Variants in PRKN observed in about 807,000 individuals in gnomAD.
The protein encoded by PRKN is parkin RBR E3 ubiquitin protein ligase, also known as E3 ubiquitin-protein ligase parkin.
PRKN carries 56 observed loss-of-function variants against 59.5 expected under a neutral mutation model. That is an observed-to-expected ratio of 0.94 (90% CI 0.76 to 1.18). PRKN has a LOEUF of 1.18. PRKN is among the 50% of genes most tolerant of loss of function. The probability of loss-of-function intolerance (pLI) is 0.00; values close to 1 mark genes in which losing one functional copy is unlikely to be tolerated. For synonymous variants in PRKN, 250 were observed against 222.1 expected, an observed-to-expected ratio of 1.13 and a Z score of -1.12; for missense variants, 657 against 596.4, an observed-to-expected ratio of 1.10 and a Z score of -1.06.
intron 9 of PRKN, among the ~76,000 whole-genome samples, chr6:161,539,738 T>C (rs969668016): frequency 6.6e-6 from 1 of 152,182 alleles, no homozygotes. Flanking sequence ...ACATCATCAC[T>C]TCCTCTACCC....
At position 162,319,503 on chromosome 6, in the gene PRKN, T is replaced by C. The variant is rs117603050; in HGVS notation, c.172-56738A>G. On this transcript the variant is annotated intron_variant, in intron 2 of 11. Coordinates refer to ENST00000366898, the MANE Select transcript of PRKN (RefSeq NM_004562.3). ...TGTTTTAATGCTCTAAGTTCTGATG[T>C]GGTTACTTACACAACAACAAATTAT... is the stretch of plus-strand genomic sequence containing the variant. Among the ~76,000 whole-genome samples, 259 of 152,176 alleles carry C rather than the reference T, an allele frequency of 1.7e-3. 5 individuals are homozygous for C. The East Asian group carries it at 0.024, about 14-fold the overall frequency.
intron 6 of PRKN, among the ~76,000 whole-genome samples, chr6:161,939,756 G>A (rs1779489871): frequency 6.6e-6 from 1 of 151,848 alleles, no homozygotes; most frequent in Non-Finnish European, 1.5e-5. Flanking sequence ...AGAAAAAAAG[G>A]CAGATGTTAA....
At chr6:162,327,000 T>C (rs936402208) in intron 2 of PRKN, among the ~76,000 whole-genome samples, 3 of 152,188 alleles carry the variant, frequency 2.0e-5, no homozygotes, top group African/African-American at 7.2e-5. Flanking sequence ...TTGCATTCTT[T>C]TCAATACTAT....
intron 4 of PRKN, among the ~76,000 whole-genome samples, chr6:162,164,252 A>ACGGT (rs1367387864): frequency 6.7e-6 from 1 of 148,906 alleles, no homozygotes; most frequent in Non-Finnish European, 1.5e-5. Context: ...TTGTTTGGAG[A>ACGGT]CGGTCTTGCT....
chr6:161,504,531 T>TTTTTA (rs773251743), intron 9 of PRKN, among the ~76,000 whole-genome samples: 1,555 of 151,740 alleles, frequency 0.01, 22 homozygotes, highest in African/African-American at 0.028. Context: ...AACTTTCTTT[T>TTTTTA]TTATTATTAT....
In PRKN at chr6:161,363,090, C is replaced by T. The variant is rs188165619; in HGVS notation, c.1168-2885G>A. On this transcript the variant is annotated intron_variant, in intron 10 of 11. Coordinates refer to ENST00000366898, the MANE Select transcript of PRKN (RefSeq NM_004562.3). The surrounding 1 kb of genome is among the most constrained non-coding windows in gnomAD (Gnocchi z 4.1). The stretch of plus-strand genomic sequence containing the variant: ...AACCTCGTCTCTGCTAAAAACACAA[C>T]GATTAGCCAAGCGTGGTGGTGTGCA... Among the ~76,000 whole-genome samples the T allele has an allele frequency of 1.9e-3, 295 of 152,082 alleles. No homozygotes were observed. The highest frequency in any genetic ancestry group is 6.7e-3 in the African/African-American group (277 of 41,488).
intron 6 of PRKN, among the ~76,000 whole-genome samples, chr6:161,788,205 C>T (rs558435795): frequency 4.6e-5 from 7 of 152,316 alleles, no homozygotes; most frequent in Non-Finnish European, 2.9e-5. Flanking sequence ...ACCATCTAGA[C>T]AACACATGGA....
At chr6:161,903,856 G>C (rs1156754395) in intron 6 of PRKN, among the ~76,000 whole-genome samples, 4 of 150,926 alleles carry the variant, frequency 2.7e-5, no homozygotes, top group Non-Finnish European at 5.9e-5. Flanking sequence ...TGCTGGCCTG[G>C]CTTTGCAATG....
chr6:162,296,657 G>A (rs1406622934), intron 2 of PRKN, among the ~76,000 whole-genome samples: 5 of 152,110 alleles, frequency 3.3e-5, no homozygotes, highest in Non-Finnish European at 5.9e-5. Context: ...ACATTAAAAT[G>A]TGCTCAGATT....
intron 4 of PRKN, among the ~76,000 whole-genome samples, chr6:162,159,296 G>T (rs1417998205): frequency 6.6e-6 from 1 of 152,094 alleles, no homozygotes; most frequent in Non-Finnish European, 1.5e-5. Flanking sequence ...TTATAGACCT[G>T]GCCATATTTT....
At chr6:162,141,117 G>T (rs1781761225) in intron 4 of PRKN, among the ~76,000 whole-genome samples, 1 of 151,594 alleles carries the variant, frequency 6.6e-6, no homozygotes, top group African/African-American at 2.4e-5. Flanking sequence ...GCGACAGAGT[G>T]AGACCCTGTC....
intron 6 of PRKN, among the ~76,000 whole-genome samples, chr6:161,887,816 T>A (rs1323335708): frequency 6.6e-6 from 1 of 152,206 alleles, no homozygotes; most frequent in African/African-American, 2.4e-5. Flanking sequence ...TTTGTCCCAT[T>A]AAGGTCGATG....
chr6:162,636,095 C>T (rs903226921), intron 1 of PRKN, among the ~76,000 whole-genome samples: 1 of 152,140 alleles, frequency 6.6e-6, no homozygotes, highest in African/African-American at 2.4e-5. Flanking sequence ...ATTAAATATT[C>T]TGAAGGCACT....
At chr6:162,144,506 G>T (rs1272467746) in intron 4 of PRKN, among the ~76,000 whole-genome samples, 1 of 152,164 alleles carries the variant, frequency 6.6e-6, no homozygotes, top group Non-Finnish European at 1.5e-5. Flanking sequence ...AAGATCAGCT[G>T]GTGTAGGTTT....
intron 1 of PRKN, among the ~76,000 whole-genome samples, chr6:162,482,921 G>A (rs1792371577): frequency 7.5e-6 from 1 of 132,588 alleles, no homozygotes; most frequent in Non-Finnish European, 1.6e-5. Flanking sequence ...CTGAGGGTAT[G>A]CACTGATTCC....
At chr6:161,935,139 G>A (rs1779306487) in intron 6 of PRKN, among the ~76,000 whole-genome samples, 1 of 151,940 alleles carries the variant, frequency 6.6e-6, no homozygotes, top group African/African-American at 2.4e-5. Context: ...AACTTCAAAA[G>A]TTCACAGAAA....
chr6:161,371,010 G>A lies in PRKN; in HGVS notation c.1168-10805C>T, dbSNP rs906340351. ...TGTGAGCAGCCCGCCTCCTGCTGGTGAGTAAGAAAATGGCATCACTTTTCA... is the reference window on the plus strand; with the variant it reads ...TGTGAGCAGCCCGCCTCCTGCTGGTAAGTAAGAAAATGGCATCACTTTTCA... On this transcript the variant is annotated intron_variant, in intron 10 of 11. Transcript: ENST00000366898. The surrounding 1 kb of genome is among the most constrained non-coding windows in gnomAD (Gnocchi z 5.5). Among the ~76,000 whole-genome samples, 1 of 152,156 alleles carries A rather than the reference G, an allele frequency of 6.6e-6. No individual in the cohort carries two copies. The highest frequency in any genetic ancestry group is 6.5e-5 in the Admixed American group (1 of 15,272).
chr6:161,809,916 T>A (rs555116311), intron 6 of PRKN, among the ~76,000 whole-genome samples: 1 of 152,198 alleles, frequency 6.6e-6, no homozygotes, highest in African/African-American at 2.4e-5. Context: ...ATTCTTTCAA[T>A]CCCTTAGGAC....
intron 9 of PRKN, among the ~76,000 whole-genome samples, chr6:161,450,537 G>C (rs1341527421): frequency 2.0e-5 from 3 of 151,990 alleles, no homozygotes; most frequent in Admixed American, 6.6e-5. Context: ...CTCATACCAT[G>C]ATTTACTTAA....
Sources: gnomAD v4.1 joint callset for allele counts (sites outside exome capture counted in the v4.1 genomes callset) on GRCh38, gnomAD v4.1.1 for gene constraint, Gnocchi (gnomAD v3.1) non-coding constraint, MANE v1.5 for transcripts, NCBI Gene and HGNC (gene_info 2026-07-23, HGNC 2026-07-21) for gene names.